The following MYO5C variants were observed in gnomAD, a reference collection of about 807,000 sequenced individuals.
MYO5C encodes unconventional myosin-Vc.
Under a neutral mutation model 235.7 loss-of-function variants are expected in MYO5C, and 194 were observed. The observed-to-expected ratio is 0.82, with a 90% CI of 0.73 to 0.93. The LOEUF (loss-of-function observed/expected upper bound fraction) is 0.93, where lower values mean the gene tolerates loss of function less well. Ranked by LOEUF, MYO5C falls within the 40% of genes least tolerant of loss-of-function variation. The probability of loss-of-function intolerance (pLI) is 0.00; values close to 1 mark genes in which losing one functional copy is unlikely to be tolerated. For synonymous variants in MYO5C, 707 were observed against 754.8 expected (o/e 0.94, Z 1.04); for missense variants, 2,038 against 2,127.2 (o/e 0.96, Z 0.82).
At chr15:52,282,983 A>C (rs2037192252) in intron 1 of MYO5C, 91 bp from the exon 2 acceptor site, 1 of 802,242 alleles carries the variant, frequency 1.2e-6, no homozygotes, top group African/African-American at 1.7e-5. Context: ...CTTTCTGTGC[A>C]CTAGGTCAGC....
intron 1 of MYO5C, among the ~76,000 whole-genome samples, chr15:52,287,393 T>G (rs1256938463): frequency 6.6e-6 from 1 of 152,218 alleles, no homozygotes; most frequent in African/African-American, 2.4e-5. Context: ...TTGAAAATAT[T>G]TATTACTAAC....
At chr15:52,291,151 A>G (rs964107114) in intron 1 of MYO5C, among the ~76,000 whole-genome samples, 1 of 152,252 alleles carries the variant, frequency 6.6e-6, no homozygotes, top group Non-Finnish European at 1.5e-5. Context: ...GCCAGGATAC[A>G]CTGAGGGATG....
At chr15:52,277,498 T>G (rs2037078892) in intron 4 of MYO5C, among the ~76,000 whole-genome samples, 1 of 152,174 alleles carries the variant, frequency 6.6e-6, no homozygotes, top group African/African-American at 2.4e-5. Flanking sequence ...CTCTTCCTTC[T>G]TAGGGACTAG....
Position 52,247,509 on chromosome 15 carries a change from CT to C in MYO5C, c.1829del (p.Lys610SerfsTer67). 1 of 1,614,178 alleles carries C rather than the reference CT, an allele frequency of 6.2e-7. No homozygotes were observed. Among genetic ancestry groups the C allele is most frequent in the Non-Finnish European group, 8.5e-7 (1 of 1,180,028 alleles). On this transcript the variant is annotated frameshift_variant, in exon 15 of 41. Transcript: ENST00000261839. LOFTEE classifies it high-confidence loss of function. ...FGSMITVKSAKQVIKPNSKHF... is the reference protein window; with the variant it reads ...FGSMITVKSAXQVIKPNSKHF... ...GCTTGCTGTTTGGCTTGATGACTTG[CT>C]TTGCAGATTTAACTGTAATCATTGA...
intron 10 of MYO5C, among the ~76,000 whole-genome samples, chr15:52,258,813 T>A (rs9806461): frequency 0.031 from 4,772 of 152,328 alleles, 180 homozygotes; most frequent in South Asian, 0.16. Context: ...AGTCTTTGTG[T>A]ATTTATAAAT....
chr15:52,238,705 G>A (rs181899766), intron 21 of MYO5C, among the ~76,000 whole-genome samples: 6 of 147,700 alleles, frequency 4.1e-5, no homozygotes, highest in African/African-American at 2.5e-5. Flanking sequence ...GCAGTGGCGC[G>A]ATCTCGGCTC....
chr15:52,285,810 G>A (rs961799908), intron 1 of MYO5C, among the ~76,000 whole-genome samples: 8 of 152,266 alleles, frequency 5.3e-5, no homozygotes, highest in Admixed American at 1.3e-4. Flanking sequence ...GCGTGATCTC[G>A]GCTCGCTACA....
chr15:52,247,653 C>A, intron 14 of MYO5C, 61 bp from the exon 15 acceptor site: 1 of 1,576,162 alleles, frequency 6.3e-7, no homozygotes, highest in Non-Finnish European at 8.6e-7. Flanking sequence ...CTCACTCATA[C>A]AAGCCACGTA....
intron 24 of MYO5C, among the ~76,000 whole-genome samples, chr15:52,230,826 CTTTTTT>C (rs67197964): frequency 1.6e-5 from 2 of 128,614 alleles, no homozygotes; most frequent in African/African-American, 3.0e-5. Context: ...AGAAGTCTTC[CTTTTTT>C]TTTTTTTTTT....
chr15:52,283,157 G>A (rs143368663), intron 1 of MYO5C, among the ~76,000 whole-genome samples: 26 of 152,092 alleles, frequency 1.7e-4, no homozygotes, highest in African/African-American at 5.8e-4. Context: ...AGAAATCCGC[G>A]AGTCCCTTAA....
intron 38 of MYO5C, among the ~76,000 whole-genome samples, chr15:52,199,603 A>G (rs1420416833): frequency 6.6e-6 from 1 of 150,376 alleles, no homozygotes; most frequent in East Asian, 1.9e-4. Flanking sequence ...AAAGAGCTCC[A>G]GGGGAGCTCT....
rs531151781 is a variant in MYO5C, at chr15:52,247,070, C to T, written c.1882-56G>A. 60 of 1,498,254 alleles carry T rather than the reference C, an allele frequency of 4.0e-5. 1 individual carries two copies. In the Middle Eastern group the frequency reaches 1.6e-3, roughly 39 times the overall value. The allele number at this position is 1,498,254 out of a possible 1,614,324, so 92.8% of individuals were successfully genotyped here. A position where few individuals can be genotyped will look rare whatever the true frequency, so the allele number is the denominator to read the frequency against. ...CTCTGAAATAATTTACTGCTTACAT[C>T]ACGGTAAAAAGCAGCCCAACCTTGT... On this transcript the variant is annotated intron_variant, in intron 15 of 40. Transcript: ENST00000261839.
chr15:52,232,603 G>A lies in MYO5C; in HGVS notation c.3026+19C>T, dbSNP rs1178031101. On this transcript the variant is annotated intron_variant, in intron 24 of 40. Transcript: ENST00000261839. Reference sequence around the variant, plus strand: ...GACAGAAGAAAGAAAGTAGCTTTAAGGCAAACTAGATTCCATACATTCTTT... The same window carrying A: ...GACAGAAGAAAGAAAGTAGCTTTAAAGCAAACTAGATTCCATACATTCTTT... The A allele has an allele frequency of 1.9e-6, 3 of 1,612,178 alleles. No homozygotes were observed. Among genetic ancestry groups the A allele is most frequent in the Middle Eastern group, 3.3e-4 (2 of 6,056 alleles).
chr15:52,291,131 C>T (rs1218216246), intron 1 of MYO5C, among the ~76,000 whole-genome samples: 1 of 152,192 alleles, frequency 6.6e-6, no homozygotes, highest in African/African-American at 2.4e-5. Context: ...GCTTAAAGCA[C>T]TAACATAATG....
intron 36 of MYO5C, 52 bp downstream of exon 36, chr15:52,208,502 G>A: frequency 6.5e-7 from 1 of 1,539,932 alleles, no homozygotes; most frequent in Non-Finnish European, 9.0e-7. Flanking sequence ...CTCAGGAGGA[G>A]GTTATAGACT....
chr15:52,227,190 A>ATTT (rs1179874943), intron 25 of MYO5C, among the ~76,000 whole-genome samples: 14 of 117,736 alleles, frequency 1.2e-4, no homozygotes, highest in South Asian at 3.4e-4. Context: ...ACCCAGAGTA[A>ATTT]TTTTTTTTTT....
intron 10 of MYO5C, among the ~76,000 whole-genome samples, chr15:52,259,855 C>T (rs1316705719): frequency 6.6e-6 from 1 of 152,246 alleles, no homozygotes; most frequent in Admixed American, 6.5e-5. Context: ...CCCCCTCCTC[C>T]CCAGGAGGCA....
At chr15:52,293,546 GCCACATC>G (rs2037438372) in intron 1 of MYO5C, among the ~76,000 whole-genome samples, 1 of 151,836 alleles carries the variant, frequency 6.6e-6, no homozygotes, top group Non-Finnish European at 1.5e-5. Context: ...TCCTCCTCAT[GCCACATC>G]CTTAATTCAC....
intron 20 of MYO5C, among the ~76,000 whole-genome samples, chr15:52,241,250 CTTTTTTT>C (rs71130143): frequency 1.7e-5 from 1 of 59,578 alleles, no homozygotes; most frequent in Non-Finnish European, 2.9e-5. Context: ...GTGGGCTAAT[CTTTTTTT>C]TTTTTTTTTT....
Sources: allele counts gnomAD v4.1 joint callset (sites outside exome capture counted in the v4.1 genomes callset), GRCh38; gene constraint gnomAD v4.1.1; transcripts MANE v1.5; gene names NCBI Gene and HGNC (gene_info 2026-07-23, HGNC 2026-07-21).